The following SDK1 variants were observed in gnomAD, a reference collection of about 807,000 sequenced individuals.
SDK1 encodes the protein protein sidekick-1.
In SDK1, 157 loss-of-function variants were observed where a neutral mutation model predicts 245.5. That is an observed-to-expected ratio of 0.64 (90% CI 0.56 to 0.73). SDK1 has a LOEUF of 0.73. SDK1 is among the 30% of genes least tolerant of loss of function. SDK1 has a pLI of 0.00. For synonymous variants in SDK1, 1,647 were observed against 1,278.5 expected (o/e 1.29, Z -6.15); for missense variants, 3,583 against 3,002.3 (o/e 1.19, Z -4.52).
chr7:3,495,808 G>T (rs911452719), intron 1 of SDK1, among the ~76,000 whole-genome samples: 2 of 152,272 alleles, frequency 1.3e-5, no homozygotes, highest in East Asian at 3.9e-4. Context: ...GCCTTTGCAC[G>T]AGCTGGTCCC....
At chr7:4,110,316 C>T (rs1403101326) in intron 22 of SDK1, among the ~76,000 whole-genome samples, 1 of 152,178 alleles carries the variant, frequency 6.6e-6, no homozygotes, top group Non-Finnish European at 1.5e-5. Flanking sequence ...ACTTGTCAAA[C>T]AGGAGGAAGG....
At chr7:4,130,869 T>TG (rs1389191628) in intron 27 of SDK1, among the ~76,000 whole-genome samples, 3 of 152,172 alleles carry the variant, frequency 2.0e-5, no homozygotes, top group African/African-American at 7.2e-5. Context: ...GCTGAAGAAG[T>TG]GAAACACCTG....
intron 35 of SDK1, among the ~76,000 whole-genome samples, chr7:4,181,170 C>G (rs1481509732): frequency 6.6e-6 from 1 of 152,242 alleles, no homozygotes; most frequent in Non-Finnish European, 1.5e-5. Context: ...CCTCTCGATA[C>G]TTGGTACAAA....
chr7:3,705,423 G>C (rs56406539), intron 4 of SDK1, among the ~76,000 whole-genome samples: 6,433 of 123,440 alleles, frequency 0.052, 193 homozygotes, highest in Middle Eastern at 0.098. Flanking sequence ...TATATTCCTA[G>C]TGATTTTATT....
intron 5 of SDK1, among the ~76,000 whole-genome samples, chr7:3,842,362 C>A (rs537979067): frequency 5.1e-4 from 78 of 152,304 alleles, no homozygotes; most frequent in African/African-American, 1.9e-3. Context: ...AAAGAAGTCA[C>A]CGTACTGGCC....
At chr7:3,821,673 A>G in intron 5 of SDK1, 90 bp downstream of exon 5, 1 of 1,424,364 alleles carries the variant, frequency 7.0e-7, no homozygotes, top group Admixed American at 1.9e-5. Flanking sequence ...TTTTGCAATA[A>G]ATTTTCTCTC....
intron 1 of SDK1, among the ~76,000 whole-genome samples, chr7:3,574,117 T>C (rs993218824): frequency 6.6e-6 from 1 of 150,872 alleles, no homozygotes; most frequent in African/African-American, 2.5e-5. Flanking sequence ...ACCTGATTTT[T>C]TTTTTCTTTT....
intron 38 of SDK1, 52 bp downstream of exon 38, chr7:4,210,214 C>T: frequency 6.9e-7 from 1 of 1,448,498 alleles, no homozygotes; most frequent in Non-Finnish European, 9.1e-7. Flanking sequence ...AGTGCCCAGC[C>T]CTCTGCAGTC....
intron 22 of SDK1, among the ~76,000 whole-genome samples, chr7:4,090,517 A>G (rs1015491617): frequency 6.6e-6 from 1 of 152,124 alleles, no homozygotes; most frequent in Non-Finnish European, 1.5e-5. Context: ...TGATGCTCAA[A>G]CTTCCCTCCA....
chr7:3,613,898 C>G (rs926529649), intron 1 of SDK1, among the ~76,000 whole-genome samples: 1 of 152,126 alleles, frequency 6.6e-6, no homozygotes, highest in Non-Finnish European at 1.5e-5. Context: ...CACATGTTCT[C>G]CTCCTATAAG....
intron 31 of SDK1, among the ~76,000 whole-genome samples, chr7:4,158,787 A>C (rs1036706536): frequency 6.6e-6 from 1 of 152,228 alleles, no homozygotes; most frequent in Non-Finnish European, 1.5e-5. Flanking sequence ...TAAAGCCCCT[A>C]CTATCCATTA....
chr7:3,605,145 A>AACACACACACACACACACACACAC (rs3086077), intron 1 of SDK1, among the ~76,000 whole-genome samples: 3 of 147,316 alleles, frequency 2.0e-5, no homozygotes, highest in East Asian at 4.0e-4. Flanking sequence ...AAAAACAAGA[A>AACACACACACACACACACACACAC]ACACACACAC....
intron 21 of SDK1, 73 bp downstream of exon 21, chr7:4,077,262 G>C (rs1780746545): frequency 6.9e-7 from 1 of 1,439,440 alleles, no homozygotes; most frequent in Non-Finnish European, 9.5e-7. Context: ...AAGTTGATTG[G>C]CACTTTGGTG....
intron 1 of SDK1, among the ~76,000 whole-genome samples, chr7:3,346,092 G>T (rs1437524799): frequency 6.6e-6 from 1 of 152,290 alleles, no homozygotes; most frequent in Middle Eastern, 3.4e-3. Context: ...TTTCCACATT[G>T]CAACTTGTGA....
At chr7:3,529,901 G>C (rs536743633) in intron 1 of SDK1, among the ~76,000 whole-genome samples, 1 of 152,218 alleles carries the variant, frequency 6.6e-6, no homozygotes, top group Non-Finnish European at 1.5e-5. Flanking sequence ...CTGAGTCTGG[G>C]TACGAGAAAA....
At chr7:3,690,253 A>G (rs1351884812) in intron 4 of SDK1, among the ~76,000 whole-genome samples, 5 of 152,218 alleles carry the variant, frequency 3.3e-5, no homozygotes, top group Non-Finnish European at 7.3e-5. Context: ...GACGATTAGC[A>G]CAAATCCAGA....
intron 35 of SDK1, among the ~76,000 whole-genome samples, chr7:4,185,413 C>G (rs1044956732): frequency 4.6e-5 from 7 of 152,216 alleles, no homozygotes; most frequent in Non-Finnish European, 2.9e-5. Context: ...TAAGCCTGCA[C>G]TCCTGCCCAG....
At chr7:3,923,877 T>C (rs1331144988) in intron 5 of SDK1, among the ~76,000 whole-genome samples, 1 of 152,116 alleles carries the variant, frequency 6.6e-6, no homozygotes, top group Admixed American at 6.5e-5. Context: ...GGTGGACTTG[T>C]CTTTTGCGGG....
At chr7:3,902,267 A>G (rs536127027) in intron 5 of SDK1, among the ~76,000 whole-genome samples, 8 of 152,284 alleles carry the variant, frequency 5.3e-5, no homozygotes, top group Admixed American at 5.2e-4. Flanking sequence ...TCATCATCAC[A>G]GGGTTCTTCC....
Sources: allele counts gnomAD v4.1 joint callset (sites outside exome capture counted in the v4.1 genomes callset), GRCh38; gene constraint gnomAD v4.1.1; transcripts MANE v1.5; gene names NCBI Gene and HGNC (gene_info 2026-07-23, HGNC 2026-07-21).